RHOBTB2: variants seen among roughly 807,000 people sequenced by gnomAD.
RHOBTB2 encodes the protein Rho related BTB domain containing 2.
RHOBTB2 carries 39 observed loss-of-function variants against 66.5 expected under a neutral mutation model. The observed-to-expected ratio is 0.59, with a 90% CI of 0.45 to 0.77. The LOEUF is 0.77. Ranked by LOEUF, RHOBTB2 falls within the 30% of genes least tolerant of loss-of-function variation. The pLI is 0.00. For synonymous variants in RHOBTB2, 390 were observed against 395.0 expected (o/e 0.99, Z 0.15); for missense variants, 755 against 999.1 (o/e 0.76, Z 3.29).
chr8:22,996,781 G>T (rs962576795), upstream of RHOBTB2, among the ~76,000 whole-genome samples: 8 of 152,024 alleles, frequency 5.3e-5, no homozygotes, highest in African/African-American at 1.9e-4. Context: ...CTGGGGACAG[G>T]GATGGGCATG....
At chr8:23,011,745 G>C (rs1478562566) in intron 7 of RHOBTB2, among the ~76,000 whole-genome samples, 1 of 152,178 alleles carries the variant, frequency 6.6e-6, no homozygotes, top group Non-Finnish European at 1.5e-5. Flanking sequence ...GGCGGCAGGG[G>C]TACCAGCGCT....
upstream of RHOBTB2, among the ~76,000 whole-genome samples, chr8:22,985,657 C>T (rs940806183): frequency 6.6e-6 from 1 of 152,172 alleles, no homozygotes; most frequent in African/African-American, 2.4e-5. Flanking sequence ...GAGGAAGGTG[C>T]GATGGAGGGC....
At chr8:22,991,428 G>C (rs1810423338) in intron 1 of RHOBTB2, among the ~76,000 whole-genome samples, 1 of 152,204 alleles carries the variant, frequency 6.6e-6, no homozygotes. Context: ...AGGAGGAGAA[G>C]TGAGGAGGAA....
At chr8:22,967,602 TAAAAAAAAAAAAA>T in the RHOBTB2 span, among the ~76,000 whole-genome samples, 37 of 57,824 alleles carry the variant, frequency 6.4e-4, no homozygotes, top group East Asian at 0.018. Flanking sequence ...AAACTCTGTC[TAAAAAAAAAAAAA>T]AAAAAAAAAA....
the RHOBTB2 span, among the ~76,000 whole-genome samples, chr8:22,964,801 T>G: frequency 1.7e-5 from 1 of 58,012 alleles, no homozygotes; most frequent in Non-Finnish European, 5.7e-5. Flanking sequence ...TATTTATTTA[T>G]TTATTTATTT....
chr8:22,968,836 G>T, the RHOBTB2 span, among the ~76,000 whole-genome samples: 22 of 149,140 alleles, frequency 1.5e-4, no homozygotes, highest in African/African-American at 4.7e-4. Context: ...ATAATGAGAA[G>T]AATAATATAA....
chr8:23,015,391 C>T (rs187880317), intron 8 of RHOBTB2, among the ~76,000 whole-genome samples: 40 of 152,192 alleles, frequency 2.6e-4, no homozygotes, highest in African/African-American at 8.9e-4. Flanking sequence ...GTGTCTGCAG[C>T]GAGGATGCCA....
chr8:22,995,384 T>C (rs76750427), upstream of RHOBTB2, among the ~76,000 whole-genome samples: 7,951 of 152,166 alleles, frequency 0.052, 667 homozygotes, highest in African/African-American at 0.18. Context: ...CAATGATAGA[T>C]TGGTGTGATT....
the RHOBTB2 span, among the ~76,000 whole-genome samples, chr8:22,973,234 G>C: frequency 7.9e-3 from 1,201 of 152,126 alleles, 16 homozygotes; most frequent in South Asian, 0.014. Context: ...TTGTTTGTTG[G>C]TTTGTTTATT....
At chr8:22,986,291 G>A (rs1391260121), upstream of RHOBTB2, among the ~76,000 whole-genome samples, 1 of 117,124 alleles carries the variant, frequency 8.5e-6, no homozygotes, top group Non-Finnish European at 1.8e-5. Context: ...TTTTTTTTCT[G>A]GGAGACAGGG....
the RHOBTB2 span, among the ~76,000 whole-genome samples, chr8:22,954,311 TTTTTGTTTTG>T: frequency 2.0e-5 from 3 of 152,228 alleles, no homozygotes; most frequent in Non-Finnish European, 2.9e-5. Context: ...AGACAGGTTT[TTTTTGTTTTG>T]TTTTGTTTTG....
In RHOBTB2 at chr8:23,006,846, G is replaced by A. The variant is rs772868064; in HGVS notation, c.601G>A (p.Asp201Asn). ...VAQFGIKDVFDNAIRAALISR... is the reference protein window; with the variant it reads ...VAQFGIKDVFNNAIRAALISR... ...CCAGTTCGGCATCAAGGACGTCTTT[G>A]ACAACGCCATCCGAGCTGCACTCAT... The change falls in exon 5 of 10, where the codon GAC (aspartate) becomes AAC (asparagine). Residue 201 changes from aspartate to asparagine, a missense_variant. By Grantham distance (23) the Asp-to-Asn change is conservative. Transcript: ENST00000251822. The surrounding 1 kb of genome is among the most constrained non-coding windows in gnomAD (Gnocchi z 6.1). 1.2e-6 allele frequency: 2 copies of A among 1,614,120 alleles called. No homozygotes were observed. The highest frequency in any genetic ancestry group is 8.5e-7 in the Non-Finnish European group (1 of 1,180,016).
At chr8:22,965,431 T>G in the RHOBTB2 span, among the ~76,000 whole-genome samples, 1 of 152,066 alleles carries the variant, frequency 6.6e-6, no homozygotes, top group African/African-American at 2.4e-5. Context: ...GAAAAAAAAT[T>G]GTAAAATTCA....
In RHOBTB2 at chr8:23,006,842, C is replaced by G; in HGVS notation, c.597C>G (p.Val199=). ...SVVAQFGIKD[V]FDNAIRAALI... is the part of the protein sequence containing the mutation. Reference sequence around the variant, plus strand: ...TGGCCCAGTTCGGCATCAAGGACGTCTTTGACAACGCCATCCGAGCTGCAC... The same window carrying G: ...TGGCCCAGTTCGGCATCAAGGACGTGTTTGACAACGCCATCCGAGCTGCAC... The change falls in exon 5 of 10, where the codon GTC becomes GTG. Residue 199 remains valine, a synonymous_variant. Transcript: ENST00000251822. This position sits in a 1 kb window ranked among gnomAD's most constrained non-coding sequence, Gnocchi z 6.1. 6.2e-7 allele frequency: 1 copy of G among 1,614,154 alleles called. No individual in the cohort carries two copies. The highest frequency in any genetic ancestry group is 8.5e-7 in the Non-Finnish European group (1 of 1,180,010).
the RHOBTB2 span, among the ~76,000 whole-genome samples, chr8:22,968,900 A>G: frequency 6.6e-6 from 1 of 152,000 alleles, no homozygotes; most frequent in Non-Finnish European, 1.5e-5. Context: ...AAAAGCAAAA[A>G]AAAAAGACAC....
At chr8:22,968,413 A>G in the RHOBTB2 span, among the ~76,000 whole-genome samples, 2 of 152,154 alleles carry the variant, frequency 1.3e-5, no homozygotes, top group African/African-American at 2.4e-5. Context: ...TAGTTAGTTG[A>G]GAAGATTTAA....
chr8:23,001,797 A>G (rs776851574), intron 1 of RHOBTB2, among the ~76,000 whole-genome samples: 19 of 150,392 alleles, frequency 1.3e-4, no homozygotes, highest in Non-Finnish European at 2.2e-4. Flanking sequence ...AAAGGGTGAG[A>G]TGATACAAAC....
intron 1 of RHOBTB2, among the ~76,000 whole-genome samples, chr8:23,002,221 G>A (rs1184131192): frequency 6.6e-6 from 1 of 152,144 alleles, no homozygotes; most frequent in Non-Finnish European, 1.5e-5. Context: ...TTTGTATTTG[G>A]GATTATATCT....
chr8:22,978,581 T>A, the RHOBTB2 span, among the ~76,000 whole-genome samples: 1 of 151,324 alleles, frequency 6.6e-6, no homozygotes, highest in Non-Finnish European at 1.5e-5. Flanking sequence ...TACTTTTTTT[T>A]TTTTTAGTTT....
Sources: allele counts gnomAD v4.1 joint callset (sites outside exome capture counted in the v4.1 genomes callset), GRCh38; gene constraint gnomAD v4.1.1; non-coding constraint Gnocchi (gnomAD v3.1); transcripts MANE v1.5; gene names NCBI Gene and HGNC (gene_info 2026-07-23, HGNC 2026-07-21).